The following CFAP299 variants were observed in gnomAD, a reference collection of about 807,000 sequenced individuals.
CFAP299 encodes cilia and flagella associated protein 299.
In CFAP299, 21 loss-of-function variants were observed where a neutral mutation model predicts 27.0. The observed-to-expected ratio is 0.78, with a 90% CI of 0.55 to 1.12. The LOEUF (loss-of-function observed/expected upper bound fraction) is 1.12. CFAP299 is among the 50% of genes most tolerant of loss of function. The pLI, the probability that CFAP299 is intolerant of heterozygous loss-of-function variation, is 0.00. For synonymous variants in CFAP299, 104 were observed against 98.1 expected, an observed-to-expected ratio of 1.06 and a Z score of -0.36; for missense variants, 310 against 276.6, an observed-to-expected ratio of 1.12 and a Z score of -0.86.
chr4:80,467,616 G>A lies in CFAP299; in HGVS notation c.242+104732G>A, dbSNP rs146421855. The stretch of plus-strand genomic sequence containing the variant: ...GTTCAATATGAAGAAGAATATTTTC[G>A]TGTGCTCTTCAAGTATGGAATATGT... On this transcript the variant is annotated intron_variant, in intron 2 of 5. Transcript: ENST00000358105. 7.9e-5 allele frequency among the ~76,000 whole-genome samples: 12 copies of A among 152,234 alleles called. No homozygotes were observed. The South Asian group carries it at 1.5e-3, about 18-fold the overall frequency.
At chr4:80,372,173 C>G (rs1724178974) in intron 2 of CFAP299, among the ~76,000 whole-genome samples, 1 of 152,126 alleles carries the variant, frequency 6.6e-6, no homozygotes, top group South Asian at 2.1e-4. Flanking sequence ...TTCACACAGA[C>G]TTAGCAGGAG....
At chr4:80,905,928 A>G (rs187896315) in intron 4 of CFAP299, among the ~76,000 whole-genome samples, 9 of 151,950 alleles carry the variant, frequency 5.9e-5, no homozygotes, top group Admixed American at 5.9e-4. Flanking sequence ...TCCAAATCTC[A>G]TGTTCTCACA....
the CFAP299 span, among the ~76,000 whole-genome samples, chr4:80,330,155 T>C: frequency 6.6e-6 from 1 of 152,186 alleles, no homozygotes; most frequent in South Asian, 2.1e-4. Context: ...TCTCTGGCTA[T>C]AAAATTCTTT....
chr4:80,673,967 T>TC (rs762830042), intron 3 of CFAP299, among the ~76,000 whole-genome samples: 2 of 152,068 alleles, frequency 1.3e-5, no homozygotes, highest in Non-Finnish European at 2.9e-5. Context: ...GTGTCTTGAC[T>TC]TTTATCCAAT....
chr4:80,444,216 G>A (rs1316768738), intron 2 of CFAP299, among the ~76,000 whole-genome samples: 3 of 152,094 alleles, frequency 2.0e-5, no homozygotes, highest in African/African-American at 4.8e-5. Context: ...AACCTGTATA[G>A]CCAAGACAAT....
At chr4:80,395,264 T>C (rs766824510) in intron 2 of CFAP299, among the ~76,000 whole-genome samples, 1 of 152,104 alleles carries the variant, frequency 6.6e-6, no homozygotes, top group African/African-American at 2.4e-5. Context: ...GTTGATTTTG[T>C]ATATGGAAAA....
intron 2 of CFAP299, among the ~76,000 whole-genome samples, chr4:80,418,196 A>T (rs372139528): frequency 1.3e-4 from 19 of 151,952 alleles, no homozygotes; most frequent in African/African-American, 3.1e-4. Context: ...GAATCACTGT[A>T]AATTTTGTGA....
At chr4:80,799,571 A>G (rs1481473428) in intron 3 of CFAP299, among the ~76,000 whole-genome samples, 25 of 75,046 alleles carry the variant, frequency 3.3e-4, no homozygotes, top group Non-Finnish European at 4.9e-4. Context: ...ATAAATATAT[A>G]TATTTATAAA....
chr4:80,644,955 G>A (rs527601085), intron 3 of CFAP299, among the ~76,000 whole-genome samples: 22 of 152,018 alleles, frequency 1.4e-4, no homozygotes, highest in African/African-American at 4.8e-5. Flanking sequence ...AATCATACCC[G>A]CCTTCTTGTA....
chr4:80,490,461 A>G (rs1731057761), intron 2 of CFAP299, among the ~76,000 whole-genome samples: 2 of 152,192 alleles, frequency 1.3e-5, no homozygotes, highest in South Asian at 2.1e-4. Flanking sequence ...CATCCATCCC[A>G]TAGAATATGA....
chr4:80,802,319 T>C (rs891666983), intron 3 of CFAP299, among the ~76,000 whole-genome samples: 5 of 152,056 alleles, frequency 3.3e-5, no homozygotes, highest in African/African-American at 1.2e-4. Context: ...ACTCAAAATA[T>C]ATTGTTTTAG....
At chr4:80,564,237 T>G (rs1735175093) in intron 2 of CFAP299, among the ~76,000 whole-genome samples, 1 of 151,934 alleles carries the variant, frequency 6.6e-6, no homozygotes, top group African/African-American at 2.4e-5. Flanking sequence ...AAAAGGAAAC[T>G]ATAGACAAAT....
chr4:80,564,037 TAAA>T (rs563299892), intron 2 of CFAP299, among the ~76,000 whole-genome samples: 1 of 151,908 alleles, frequency 6.6e-6, no homozygotes, highest in East Asian at 1.9e-4. Flanking sequence ...AGAGCTGTAA[TAAA>T]AAATCTCCTA....
At chr4:80,509,022 TCCTAAATGTAAATC>T (rs889411637) in intron 2 of CFAP299, among the ~76,000 whole-genome samples, 3 of 152,134 alleles carry the variant, frequency 2.0e-5, no homozygotes, top group African/African-American at 7.2e-5. Context: ...GTTTAGCCTT[TCCTAAATGTAAATC>T]CTAGAGATAA....
chr4:80,341,319 CCTG>C (rs1433681512), intron 1 of CFAP299, among the ~76,000 whole-genome samples: 1 of 152,184 alleles, frequency 6.6e-6, no homozygotes, highest in Non-Finnish European at 1.5e-5. Context: ...ACGCAGCACA[CCTG>C]CTCTACCAAA....
intron 3 of CFAP299, among the ~76,000 whole-genome samples, chr4:80,674,484 C>G (rs1323881146): frequency 2.6e-5 from 4 of 152,146 alleles, no homozygotes; most frequent in Non-Finnish European, 5.9e-5. Flanking sequence ...CTTGATGAAT[C>G]TGACAATTAT....
intron 1 of CFAP299, among the ~76,000 whole-genome samples, chr4:80,349,881 C>T (rs1722934546): frequency 6.6e-6 from 1 of 152,120 alleles, no homozygotes; most frequent in Admixed American, 6.5e-5. Context: ...CAGTGCAGTG[C>T]TGCAATTTAA....
intron 2 of CFAP299, among the ~76,000 whole-genome samples, chr4:80,404,278 A>T (rs920494356): frequency 4.6e-5 from 7 of 152,154 alleles, no homozygotes; most frequent in African/African-American, 1.7e-4. Context: ...TATTTGTGAT[A>T]AAGTACACAT....
intron 3 of CFAP299, among the ~76,000 whole-genome samples, chr4:80,821,391 C>G (rs73829144): frequency 0.011 from 1,639 of 152,264 alleles, 24 homozygotes; most frequent in African/African-American, 0.037. Flanking sequence ...ATTTTTAACT[C>G]CTTTAATAGT....
Sources: gnomAD v4.1 joint callset for allele counts (sites outside exome capture counted in the v4.1 genomes callset) on GRCh38, gnomAD v4.1.1 for gene constraint, MANE v1.5 for transcripts, NCBI Gene and HGNC (gene_info 2026-07-23, HGNC 2026-07-21) for gene names.